RIMBP2: variants seen among roughly 807,000 people sequenced by gnomAD.
RIMBP2 encodes the protein RIMS binding protein 2, also known as RIMS-binding protein 2.
RIMBP2 carries 48 observed loss-of-function variants against 118.6 expected under a neutral mutation model. The ratio of observed to expected loss-of-function variants is 0.40; its 90% CI spans 0.32 to 0.51. The LOEUF (loss-of-function observed/expected upper bound fraction) is 0.51. Among genes scored for constraint, RIMBP2 ranks in the 20% least tolerant of loss-of-function variants. The pLI, the probability that RIMBP2 is intolerant of heterozygous loss-of-function variation, is 0.41. For missense variants in RIMBP2, 1,551 were observed against 1,768.3 expected (o/e 0.88, Z 2.20); for synonymous variants, 762 against 742.9 (o/e 1.03, Z -0.42).
At chr12:130,465,216 A>T (rs1048559467) in intron 6 of RIMBP2, 1 of 152,206 alleles carries the variant, frequency 6.6e-6, no homozygotes. Context: ...CCAGGGAGGA[A>T]GGGGGGCTGT....
At chr12:130,667,525 TG>T (rs2064006481) in intron 1 of RIMBP2, 1 of 152,078 alleles carries the variant, frequency 6.6e-6, no homozygotes, top group Admixed American at 6.6e-5. Context: ...GCAGGCGCTG[TG>T]GGTTTGGGGA....
intron 2 of RIMBP2, among the ~76,000 whole-genome samples, chr12:130,520,832 G>GT (rs1245612635): frequency 6.6e-6 from 1 of 152,158 alleles, no homozygotes; most frequent in Non-Finnish European, 1.5e-5. Context: ...AGACAGCCAG[G>GT]TAAAGGCACA....
At chr12:130,562,214 G>C (rs1369910183) in intron 2 of RIMBP2, among the ~76,000 whole-genome samples, 1 of 152,146 alleles carries the variant, frequency 6.6e-6, no homozygotes, top group African/African-American at 2.4e-5. Context: ...TTACTTCAAA[G>C]CCACCCTCCA....
In RIMBP2 at chr12:130,424,304, G is replaced by A. The variant is rs944282948; in HGVS notation, c.2967C>T (p.Pro989=). ...GPGGLLRNDD[P]QPGPERPPPR... ...GGGGCGGCCTCTCCGGGCCGGGCTGGGGGTCGTCGTTCCTGAGGAGGCCAC... is the reference window on the plus strand; with the variant it reads ...GGGGCGGCCTCTCCGGGCCGGGCTGAGGGTCGTCGTTCCTGAGGAGGCCAC... The change falls in exon 16 of 23, where the codon CCC becomes CCT. Residue 989 remains proline (P), a synonymous_variant. Coordinates refer to ENST00000690449, the MANE Select transcript of RIMBP2 (RefSeq NM_001393629.1). The surrounding 1 kb of genome is among the most constrained non-coding windows in gnomAD (Gnocchi z 9.8). 9.7e-6 allele frequency: 12 copies of A among 1,231,420 alleles called. No homozygotes were observed. Among genetic ancestry groups the A allele is most frequent in the Non-Finnish European group, 1.2e-5 (12 of 987,790 alleles). The allele number at this position is 1,231,420 out of a possible 1,614,324, so 76.3% of individuals were successfully genotyped here.
intron 21 of RIMBP2, 45 bp downstream of exon 21, chr12:130,406,127 A>T: frequency 1.6e-6 from 2 of 1,239,384 alleles, no homozygotes; most frequent in Non-Finnish European, 1.2e-6. Context: ...AAATAAATGA[A>T]AATACAAAAA....
At chr12:130,464,361 T>C (rs1262799731) in intron 6 of RIMBP2, among the ~76,000 whole-genome samples, 2 of 152,252 alleles carry the variant, frequency 1.3e-5, no homozygotes, top group Non-Finnish European at 2.9e-5. Context: ...TGTGATTTCA[T>C]TGATCACTGG....
chr12:130,565,740 T>C (rs1314308800), intron 2 of RIMBP2, among the ~76,000 whole-genome samples: 2 of 152,198 alleles, frequency 1.3e-5, no homozygotes, highest in East Asian at 1.9e-4. Context: ...TTTTTATTTA[T>C]TACCATCACA....
chr12:130,408,436 A>T (rs551912398), intron 19 of RIMBP2, among the ~76,000 whole-genome samples: 1 of 152,276 alleles, frequency 6.6e-6, no homozygotes, highest in South Asian at 2.1e-4. Flanking sequence ...CGTAGAGAAG[A>T]TCCCAGCTCT....
rs141080486 is a variant in RIMBP2, at chr12:130,447,071, C to CGGA, written c.582-1805_582-1803dup. Among the ~76,000 whole-genome samples, 2,340 of 149,780 alleles carry CGGA rather than the reference C, an allele frequency of 0.016. 72 individuals are homozygous for CGGA. Among genetic ancestry groups the CGGA allele is most frequent in the African/African-American group, 0.054 (2,154 of 40,176 alleles). ...GACACAGAAGCTGGCAGAGTGTTCT[C>CGGA]GGAGGAGGAGGAGGAGGAGGAGGGA... On this transcript the variant is annotated intron_variant, in intron 9 of 22. Transcript: ENST00000690449. This position sits in a 1 kb window ranked among gnomAD's most constrained non-coding sequence, Gnocchi z 4.4.
At chr12:130,595,208 TCAGCA>T (rs2059481907) in intron 2 of RIMBP2, among the ~76,000 whole-genome samples, 1 of 152,220 alleles carries the variant, frequency 6.6e-6, no homozygotes, top group Non-Finnish European at 1.5e-5. Context: ...ACCATCTCTC[TCAGCA>T]AACCATGCCC....
intron 1 of RIMBP2, among the ~76,000 whole-genome samples, chr12:130,655,094 C>G (rs564375789): frequency 9.7e-4 from 147 of 152,214 alleles, no homozygotes; most frequent in Non-Finnish European, 1.7e-3. Flanking sequence ...TCAACATAAC[C>G]CAGCAATCTG....
chr12:130,573,647 G>C (rs890958373), intron 2 of RIMBP2, among the ~76,000 whole-genome samples: 1 of 152,034 alleles, frequency 6.6e-6, no homozygotes, highest in African/African-American at 2.4e-5. Flanking sequence ...ACCCCCACCT[G>C]GGGGGGTGAT....
intron 7 of RIMBP2, among the ~76,000 whole-genome samples, chr12:130,455,455 A>C (rs1367152422): frequency 1.3e-5 from 2 of 152,178 alleles, no homozygotes; most frequent in Non-Finnish European, 2.9e-5. Flanking sequence ...GGGTGTCGTG[A>C]GTGCCTGGAG....
At position 130,475,551 on chromosome 12, in the gene RIMBP2, C is replaced by T. The variant is rs775388567; in HGVS notation, c.102+3361G>A. Reference sequence around the variant, plus strand: ...AGCACAAAGAGGCAGGGAGGAGACCCGCAGACGGTGGGGAGGGGCATTTCC... The same window carrying T: ...AGCACAAAGAGGCAGGGAGGAGACCTGCAGACGGTGGGGAGGGGCATTTCC... On this transcript the variant is annotated intron_variant, in intron 5 of 22. Transcript: ENST00000690449. This position sits in a 1 kb window ranked among gnomAD's most constrained non-coding sequence, Gnocchi z 4.1. Among the ~76,000 whole-genome samples the T allele has an allele frequency of 2.6e-5, 4 of 152,060 alleles. No homozygotes were observed. The highest frequency in any genetic ancestry group is 4.8e-5 in the African/African-American group (2 of 41,406).
At chr12:130,467,176 A>T (rs2080558136) in intron 6 of RIMBP2, among the ~76,000 whole-genome samples, 1 of 152,246 alleles carries the variant, frequency 6.6e-6, no homozygotes, top group Admixed American at 6.5e-5. Flanking sequence ...CCTTTCCCAA[A>T]ACAAGCCTCC....
At chr12:130,463,164 C>T (rs932173436) in intron 6 of RIMBP2, among the ~76,000 whole-genome samples, 2 of 152,234 alleles carry the variant, frequency 1.3e-5, no homozygotes, top group Non-Finnish European at 2.9e-5. Flanking sequence ...CGTGGTCCTG[C>T]CCCAGGCAGG....
At position 130,442,755 on chromosome 12, in the gene RIMBP2, G is replaced by C. The variant is rs954485486; in HGVS notation, c.692-95C>G. The C allele has an allele frequency of 2.8e-6, 3 of 1,087,170 alleles. No individual in the cohort carries two copies. Among genetic ancestry groups the C allele is most frequent in the Admixed American group, 2.5e-5 (1 of 39,960 alleles). The allele number at this position is 1,087,170 out of a possible 1,614,324, so 67.3% of individuals were successfully genotyped here. A position where few individuals can be genotyped will look rare whatever the true frequency, so the allele number is the denominator to read the frequency against. On this transcript the variant is annotated intron_variant, in intron 10 of 22. Transcript: ENST00000690449. The surrounding 1 kb of genome is among the most constrained non-coding windows in gnomAD (Gnocchi z 6.9). ...CCACCTCCCCCACCAGGACCATAAG[G>C]CAGAGCAACAGGGTTGCCCTGGGGC...
At chr12:130,490,599 G>C (rs546958722) in intron 4 of RIMBP2, among the ~76,000 whole-genome samples, 5 of 152,136 alleles carry the variant, frequency 3.3e-5, no homozygotes. Context: ...ATAACATCAC[G>C]GGGCAAAGGC....
intron 2 of RIMBP2, 27 bp from the exon 3 acceptor site, chr12:130,517,944 G>C: frequency 4.4e-6 from 4 of 917,768 alleles, no homozygotes; most frequent in Non-Finnish European, 5.2e-6. Context: ...GGACATGTGA[G>C]ATGGTGCCCC....
Sources: gnomAD v4.1 joint callset for allele counts (sites outside exome capture counted in the v4.1 genomes callset) on GRCh38, gnomAD v4.1.1 for gene constraint, Gnocchi (gnomAD v3.1) non-coding constraint, MANE v1.5 for transcripts, NCBI Gene and HGNC (gene_info 2026-07-23, HGNC 2026-07-21) for gene names.